ASTN2: variants seen among roughly 807,000 people sequenced by gnomAD.
ASTN2 encodes the protein astrotactin 2, also known as astrotactin-2.
ASTN2 carries 54 observed loss-of-function variants against 139.8 expected under a neutral mutation model. The ratio of observed to expected loss-of-function variants is 0.39; its 90% CI spans 0.31 to 0.48. The LOEUF (loss-of-function observed/expected upper bound fraction) is 0.48, where lower values mean the gene tolerates loss of function less well. Among genes scored for constraint, ASTN2 ranks in the 20% least tolerant of loss-of-function variants. The pLI, the probability that ASTN2 is intolerant of heterozygous loss-of-function variation, is 0.95. For missense variants in ASTN2, 1,565 were observed against 1,725.1 expected, an observed-to-expected ratio of 0.91 and a Z score of 1.64; for synonymous variants, 756 against 719.5, an observed-to-expected ratio of 1.05 and a Z score of -0.81.
chr9:117,278,798 CAGTGA>C (rs1834256964), intron 2 of ASTN2, among the ~76,000 whole-genome samples: 1 of 152,172 alleles, frequency 6.6e-6, no homozygotes, highest in South Asian at 2.1e-4. Flanking sequence ...AGGATTACCA[CAGTGA>C]AGTGAAATGT....
At chr9:117,255,123 G>A (rs1359327431) in intron 2 of ASTN2, among the ~76,000 whole-genome samples, 2 of 152,172 alleles carry the variant, frequency 1.3e-5, no homozygotes, top group African/African-American at 4.8e-5. Context: ...TCCATTCTGG[G>A]CATCCAGAAA....
chr9:116,632,182 G>GAA lies in ASTN2; in HGVS notation c.3073-11740_3073-11739insTT, dbSNP rs1856798010. The stretch of plus-strand genomic sequence containing the variant: ...ACAGAGAGAGAGAGAGAGAGAGAGA[G>GAA]AGGGAGAGAGAGAGAAAGAAAGAAA... On this transcript the variant is annotated intron_variant, in intron 17 of 22. Transcript: ENST00000313400. Among the ~76,000 whole-genome samples the GAA allele has an allele frequency of 3.1e-4, 5 of 15,910 alleles. No homozygotes were observed. The Admixed American group carries it at 3.4e-3, about 11-fold the overall frequency. The allele number at this position is 15,910 out of a possible 152,430, so 10.4% of individuals were successfully genotyped here.
intron 1 of ASTN2, 49 bp from the exon 2 acceptor site, chr9:117,291,562 G>A (rs202146255): frequency 2.0e-6 from 3 of 1,516,566 alleles, no homozygotes; most frequent in Non-Finnish European, 1.8e-6. Flanking sequence ...CCTGGCCTTG[G>A]TGCTCCAGGG....
chr9:116,556,949 T>TATGTTTAAC (rs1323918532), intron 19 of ASTN2, among the ~76,000 whole-genome samples: 2 of 152,120 alleles, frequency 1.3e-5, no homozygotes, highest in African/African-American at 4.8e-5. Context: ...CTACTGGGTT[T>TATGTTTAAC]AACTAAGTGT....
intron 1 of ASTN2, among the ~76,000 whole-genome samples, chr9:117,328,034 C>T (rs928317407): frequency 2.2e-4 from 34 of 152,080 alleles, no homozygotes; most frequent in African/African-American, 8.0e-4. Context: ...AGCTCAAAGG[C>T]ATGGATAGGA....
intron 3 of ASTN2, among the ~76,000 whole-genome samples, chr9:117,155,743 G>A (rs1024528955): frequency 6.6e-6 from 1 of 152,020 alleles, no homozygotes; most frequent in African/African-American, 2.4e-5. Flanking sequence ...ATTAGAGGTA[G>A]GTTTCCAAGC....
At chr9:116,473,982 T>C (rs1484669030) in intron 20 of ASTN2, among the ~76,000 whole-genome samples, 1 of 152,144 alleles carries the variant, frequency 6.6e-6, no homozygotes, top group Non-Finnish European at 1.5e-5. Flanking sequence ...ACCCTATGCT[T>C]GGGAGCTCTG....
At chr9:117,091,673 G>GC (rs1828710091) in intron 5 of ASTN2, among the ~76,000 whole-genome samples, 1 of 152,036 alleles carries the variant, frequency 6.6e-6, no homozygotes, top group Non-Finnish European at 1.5e-5. Flanking sequence ...TGGGGAAGAG[G>GC]CCCCGGGGGA....
At chr9:116,657,465 T>C (rs116900412) in intron 16 of ASTN2, among the ~76,000 whole-genome samples, 2 of 152,172 alleles carry the variant, frequency 1.3e-5, no homozygotes, top group African/African-American at 2.4e-5. Flanking sequence ...TCCCAAGTCA[T>C]GCCCCTAGAT....
chr9:117,262,858 G>C (rs1833857901), intron 2 of ASTN2, among the ~76,000 whole-genome samples: 1 of 152,110 alleles, frequency 6.6e-6, no homozygotes. Flanking sequence ...GGTGTGAGAA[G>C]AACTCGACCC....
chr9:116,876,575 T>C (rs1250629581), intron 10 of ASTN2, among the ~76,000 whole-genome samples: 1 of 152,200 alleles, frequency 6.6e-6, no homozygotes, highest in Non-Finnish European at 1.5e-5. Flanking sequence ...GAATCAGTTG[T>C]TACAACAAAC....
chr9:117,164,678 G>A (rs1026943362), intron 3 of ASTN2, among the ~76,000 whole-genome samples: 1 of 152,002 alleles, frequency 6.6e-6, no homozygotes, highest in Non-Finnish European at 1.5e-5. Context: ...GGTTCCTCAG[G>A]GCATAAAGAT....
intron 10 of ASTN2, among the ~76,000 whole-genome samples, chr9:116,935,950 G>A (rs1564348699): frequency 6.6e-6 from 1 of 151,526 alleles, no homozygotes; most frequent in African/African-American, 2.4e-5. Context: ...GGAAAGAGAT[G>A]TTGAGTAACT....
intron 13 of ASTN2, among the ~76,000 whole-genome samples, chr9:116,736,039 T>G (rs747588630): frequency 6.6e-6 from 1 of 152,222 alleles, no homozygotes; most frequent in Non-Finnish European, 1.5e-5. Flanking sequence ...CATTCAGACA[T>G]TGAAAAGCTG....
At chr9:116,754,595 G>A (rs1489638527) in intron 13 of ASTN2, among the ~76,000 whole-genome samples, 2 of 152,056 alleles carry the variant, frequency 1.3e-5, no homozygotes, top group Non-Finnish European at 2.9e-5. Flanking sequence ...TGGTTCCTTG[G>A]GTATTACACT....
chr9:116,965,488 G>T (rs1413988502), intron 10 of ASTN2, among the ~76,000 whole-genome samples: 2 of 152,170 alleles, frequency 1.3e-5, no homozygotes, highest in Non-Finnish European at 2.9e-5. Context: ...AGCTTGGGGA[G>T]TCATGATTAT....
At chr9:116,978,745 A>C (rs1836427875) in intron 7 of ASTN2, among the ~76,000 whole-genome samples, 1 of 152,174 alleles carries the variant, frequency 6.6e-6, no homozygotes, top group Admixed American at 6.5e-5. Flanking sequence ...AGGATACTGA[A>C]GAAAGTATCA....
At chr9:116,823,691 A>G (rs1277292491) in intron 11 of ASTN2, among the ~76,000 whole-genome samples, 1 of 152,166 alleles carries the variant, frequency 6.6e-6, no homozygotes, top group East Asian at 1.9e-4. Flanking sequence ...TCTCTCCCCA[A>G]GATGATTTGC....
intron 3 of ASTN2, among the ~76,000 whole-genome samples, chr9:117,208,846 T>C (rs926352814): frequency 1.8e-4 from 28 of 152,280 alleles, no homozygotes; most frequent in African/African-American, 6.5e-4. Flanking sequence ...AGGAAATAAC[T>C]GTCAGTCAGG....
Sources: allele counts gnomAD v4.1 joint callset (sites outside exome capture counted in the v4.1 genomes callset), GRCh38; gene constraint gnomAD v4.1.1; transcripts MANE v1.5; gene names NCBI Gene and HGNC (gene_info 2026-07-23, HGNC 2026-07-21).